Variants in PARD3B observed in about 807,000 individuals in gnomAD.
PARD3B encodes the protein partitioning defective 3 homolog B.
Under a neutral mutation model 130.2 loss-of-function variants are expected in PARD3B, and 103 were observed. The observed-to-expected ratio is 0.79, with a 90% confidence interval of 0.67 to 0.93. PARD3B has a LOEUF of 0.93. Ranked by LOEUF, PARD3B falls within the 40% of genes least tolerant of loss-of-function variation. The pLI, the probability that PARD3B is intolerant of heterozygous loss-of-function variation, is 0.00. For synonymous variants in PARD3B, 583 were observed against 553.2 expected (o/e 1.05, Z -0.76); for missense variants, 1,609 against 1,499.2 (o/e 1.07, Z -1.21).
At chr2:205,134,252 G>A (rs2032274694) in intron 10 of PARD3B, among the ~76,000 whole-genome samples, 1 of 151,970 alleles carries the variant, frequency 6.6e-6, no homozygotes, top group African/African-American at 2.4e-5. Context: ...ACTGGGTGTG[G>A]TGGCTCATGC....
At chr2:205,068,794 T>C (rs1414939530) in intron 4 of PARD3B, among the ~76,000 whole-genome samples, 2 of 152,148 alleles carry the variant, frequency 1.3e-5, no homozygotes, top group East Asian at 3.8e-4. Context: ...ACCGTATGAA[T>C]TATTTAGTAG....
In PARD3B at chr2:204,971,630, T is replaced by TC. The variant is rs1220765860; in HGVS notation, c.394+6312dup. Reference sequence around the variant, plus strand: ...CTTCCCTGGGAGTCTGTTTTTTTTTTCCCCCTCCATGAAGGCTTAAATGAA... The same window carrying TC: ...CTTCCCTGGGAGTCTGTTTTTTTTTTCCCCCCTCCATGAAGGCTTAAATGAA... On this transcript the variant is annotated intron_variant, in intron 3 of 22. Transcript: ENST00000406610. Among the ~76,000 whole-genome samples the TC allele has an allele frequency of 2.0e-5, 3 of 151,374 alleles. 1 individual carries two copies. The highest frequency in any genetic ancestry group is 2.0e-4 in the East Asian group (1 of 5,048).
At chr2:205,532,319 C>T (rs1362344417) in intron 21 of PARD3B, among the ~76,000 whole-genome samples, 1 of 151,608 alleles carries the variant, frequency 6.6e-6, no homozygotes, top group Non-Finnish European at 1.5e-5. Flanking sequence ...TCACCTAGTC[C>T]CATCATTTTT....
At chr2:205,099,408 C>A (rs1442633611) in intron 4 of PARD3B, among the ~76,000 whole-genome samples, 2 of 152,068 alleles carry the variant, frequency 1.3e-5, no homozygotes, top group African/African-American at 4.8e-5. Flanking sequence ...TTCTACCTTT[C>A]CTTCCAAATT....
chr2:205,172,543 G>A (rs575302110), intron 12 of PARD3B, among the ~76,000 whole-genome samples, 162 bp downstream of exon 12: 1 of 152,314 alleles, frequency 6.6e-6, no homozygotes, highest in African/African-American at 2.4e-5. Context: ...TAATAGAAAG[G>A]TGTAAAAATG....
At chr2:204,563,217 GTC>G (rs35536964) in intron 1 of PARD3B, among the ~76,000 whole-genome samples, 5,752 of 86,488 alleles carry the variant, frequency 0.067, 227 homozygotes, top group East Asian at 0.13. Flanking sequence ...TCTTCCCGCT[GTC>G]TCTCTCTCTC....
intron 2 of PARD3B, among the ~76,000 whole-genome samples, chr2:204,953,143 G>A (rs1316967756): frequency 6.6e-6 from 1 of 150,518 alleles, no homozygotes; most frequent in Non-Finnish European, 1.5e-5. Context: ...AATTTTATAG[G>A]CAAAATTAGT....
intron 4 of PARD3B, among the ~76,000 whole-genome samples, chr2:205,090,023 G>A (rs951339703): frequency 6.6e-6 from 1 of 152,186 alleles, no homozygotes; most frequent in African/African-American, 2.4e-5. Context: ...TTGTAGAGGT[G>A]CATCAACGGA....
intron 22 of PARD3B, among the ~76,000 whole-genome samples, chr2:205,605,911 G>A (rs1044932818): frequency 2.0e-5 from 3 of 152,144 alleles, no homozygotes; most frequent in Non-Finnish European, 4.4e-5. Context: ...CAGTCCCAGC[G>A]AGATCAGAGT....
Position 205,014,293 on chromosome 2 carries a change from G to C in PARD3B, c.395-33288G>C, listed in dbSNP as rs555821329. Among the ~76,000 whole-genome samples, 6 of 152,312 alleles carry C rather than the reference G, an allele frequency of 3.9e-5. No homozygotes were observed. In the South Asian group the frequency reaches 1.2e-3, roughly 32 times the overall value. The stretch of plus-strand genomic sequence containing the variant: ...GGACCGTGGCTGCTTTAACCTCTCT[G>C]CAGGGGCAAGTACATTTCTGTCATT... On this transcript the variant is annotated intron_variant, in intron 3 of 22. Coordinates refer to ENST00000406610, the MANE Select transcript of PARD3B (RefSeq NM_001302769.2).
chr2:205,439,712 ATC>A (rs2047645413), intron 19 of PARD3B, among the ~76,000 whole-genome samples: 1 of 152,124 alleles, frequency 6.6e-6, no homozygotes, highest in Admixed American at 6.6e-5. Context: ...GTGCCAATTC[ATC>A]TCTGTCAGGA....
chr2:204,561,916 C>T (rs2031342198), intron 1 of PARD3B, among the ~76,000 whole-genome samples: 1 of 152,068 alleles, frequency 6.6e-6, no homozygotes, highest in Non-Finnish European at 1.5e-5. Flanking sequence ...GTATTAAGGT[C>T]ACTCCTTTAC....
At chr2:205,182,945 T>G (rs2035875796) in intron 13 of PARD3B, among the ~76,000 whole-genome samples, 1 of 152,128 alleles carries the variant, frequency 6.6e-6, no homozygotes, top group South Asian at 2.1e-4. Context: ...ACATTCCATT[T>G]GCAAGAACTA....
intron 15 of PARD3B, among the ~76,000 whole-genome samples, chr2:205,199,164 C>T (rs1206172162): frequency 6.6e-6 from 1 of 151,902 alleles, no homozygotes; most frequent in East Asian, 1.9e-4. Flanking sequence ...TACTGTGTGC[C>T]GGGAAGTGCA....
At chr2:204,622,398 A>G (rs936704263) in intron 1 of PARD3B, among the ~76,000 whole-genome samples, 1 of 152,136 alleles carries the variant, frequency 6.6e-6, no homozygotes, top group Non-Finnish European at 1.5e-5. Context: ...TGTTGAGGAT[A>G]TATAGCTCAT....
intron 18 of PARD3B, among the ~76,000 whole-genome samples, chr2:205,379,789 GC>G (rs1318205808): frequency 6.6e-6 from 1 of 151,984 alleles, no homozygotes; most frequent in African/African-American, 2.4e-5. Flanking sequence ...TATGTGTGGG[GC>G]CAGGTGCAGT....
intron 21 of PARD3B, among the ~76,000 whole-genome samples, chr2:205,508,643 A>G (rs1174084117): frequency 2.0e-5 from 3 of 151,908 alleles, no homozygotes; most frequent in African/African-American, 4.8e-5. Flanking sequence ...ACGATGGGCA[A>G]TCCCTTCTCA....
At chr2:204,647,480 G>A (rs1476588465) in intron 1 of PARD3B, among the ~76,000 whole-genome samples, 1 of 150,612 alleles carries the variant, frequency 6.6e-6, no homozygotes, top group Admixed American at 6.6e-5. Context: ...ATATTTTTTT[G>A]ACATTTCATT....
chr2:204,846,066 A>T (rs1305064100), intron 2 of PARD3B, among the ~76,000 whole-genome samples: 1 of 152,016 alleles, frequency 6.6e-6, no homozygotes, highest in Non-Finnish European at 1.5e-5. Context: ...CCAAATAGAA[A>T]AACAAATGAA....
Sources: allele counts gnomAD v4.1 joint callset (sites outside exome capture counted in the v4.1 genomes callset), GRCh38; gene constraint gnomAD v4.1.1; transcripts MANE v1.5; gene names NCBI Gene and HGNC (gene_info 2026-07-23, HGNC 2026-07-21).